Variants in LGSN observed in about 807,000 individuals in gnomAD.
LGSN encodes the protein lengsin.
A neutral mutation model predicts 19.5 loss-of-function variants in LGSN; 21 were observed. That is an observed-to-expected ratio of 1.07 (90% CI 0.76 to 1.55). The LOEUF (loss-of-function observed/expected upper bound fraction) is 1.55, where lower values mean the gene tolerates loss of function less well. Among genes scored for constraint, LGSN ranks in the 40% most tolerant of loss-of-function variants. The probability of loss-of-function intolerance (pLI) is 0.00; values close to 1 mark genes in which losing one functional copy is unlikely to be tolerated. For synonymous variants in LGSN, 257 were observed against 215.6 expected, an observed-to-expected ratio of 1.19 and a Z score of -1.68; for missense variants, 673 against 608.5, an observed-to-expected ratio of 1.11 and a Z score of -1.12.
At chr6:63,478,798 G>A in the LGSN span, among the ~76,000 whole-genome samples, 1 of 152,186 alleles carries the variant, frequency 6.6e-6, no homozygotes, top group Non-Finnish European at 1.5e-5. Context: ...AATTCAAAAG[G>A]TAGGGTGTGC....
the LGSN span, among the ~76,000 whole-genome samples, chr6:63,357,351 A>C: frequency 1.7e-4 from 26 of 152,300 alleles, no homozygotes; most frequent in African/African-American, 6.3e-4. Flanking sequence ...TATACCCAGT[A>C]ATGGGATGGC....
chr6:63,426,874 G>C, the LGSN span, among the ~76,000 whole-genome samples: 1 of 152,040 alleles, frequency 6.6e-6, no homozygotes, highest in African/African-American at 2.4e-5. Context: ...CTATTTTCTT[G>C]ACATTCTGAA....
the LGSN span, among the ~76,000 whole-genome samples, chr6:63,497,918 C>CTTTTTTTTTTTTTTTTTTTTTTTTTTT: frequency 2.5e-5 from 3 of 121,904 alleles, no homozygotes; most frequent in African/African-American, 6.9e-5. Context: ...TGTCATGTTT[C>CTTTTTTTTTTTTTTTTTTTTTTTTTTT]TTTTTTTTTT....
At chr6:63,508,776 G>C in the LGSN span, among the ~76,000 whole-genome samples, 1 of 151,578 alleles carries the variant, frequency 6.6e-6, no homozygotes, top group African/African-American at 2.4e-5. Context: ...AAAATTAGGC[G>C]GGCGTGGTGG....
At chr6:63,531,782 T>G in the LGSN span, among the ~76,000 whole-genome samples, 1 of 151,962 alleles carries the variant, frequency 6.6e-6, no homozygotes, top group Non-Finnish European at 1.5e-5. Context: ...TGAACCACCA[T>G]GTCCAGCCTC....
chr6:63,476,205 C>T, the LGSN span, among the ~76,000 whole-genome samples: 181 of 152,218 alleles, frequency 1.2e-3, no homozygotes, highest in Non-Finnish European at 2.4e-3. Context: ...GATAGTGCTA[C>T]CTCATAATTA....
the LGSN span, among the ~76,000 whole-genome samples, chr6:63,538,657 T>G: frequency 1.3e-5 from 2 of 152,152 alleles, no homozygotes; most frequent in Non-Finnish European, 2.9e-5. Context: ...TTTCTTATTT[T>G]TTAAGATAGC....
the LGSN span, among the ~76,000 whole-genome samples, chr6:63,523,990 T>TC: frequency 6.6e-6 from 1 of 151,636 alleles, no homozygotes; most frequent in South Asian, 2.1e-4. Flanking sequence ...TCAATAGGCT[T>TC]TTTTTTTTCT....
the LGSN span, among the ~76,000 whole-genome samples, chr6:63,494,194 C>T: frequency 6.6e-6 from 1 of 152,210 alleles, no homozygotes; most frequent in Admixed American, 6.5e-5. Context: ...AGGTGATCCG[C>T]CCGCCTCAGC....
At chr6:63,390,468 T>A in the LGSN span, among the ~76,000 whole-genome samples, 1 of 152,020 alleles carries the variant, frequency 6.6e-6, no homozygotes, top group African/African-American at 2.4e-5. Flanking sequence ...TTTCTTAGAA[T>A]GCATGACCTA....
chr6:63,371,572 C>T, the LGSN span, among the ~76,000 whole-genome samples: 3 of 152,182 alleles, frequency 2.0e-5, no homozygotes, highest in Admixed American at 6.5e-5. Context: ...TGGAGAACTC[C>T]TAAGAGCCAA....
chr6:63,445,462 A>C, the LGSN span, among the ~76,000 whole-genome samples: 3 of 151,592 alleles, frequency 2.0e-5, no homozygotes, highest in African/African-American at 4.8e-5. Flanking sequence ...TAATGAAAAT[A>C]CAAAAAAATA....
At chr6:63,336,559 GTGTATA>G in the LGSN span, among the ~76,000 whole-genome samples, 6 of 124,734 alleles carry the variant, frequency 4.8e-5, no homozygotes, top group African/African-American at 1.5e-4. Flanking sequence ...GTGTGTGTGT[GTGTATA>G]TATATATATA....
chr6:63,410,933 G>T, the LGSN span, among the ~76,000 whole-genome samples: 1 of 152,086 alleles, frequency 6.6e-6, no homozygotes, highest in South Asian at 2.1e-4. Flanking sequence ...CCTAAGCAAC[G>T]AGGTTTGGCA....
chr6:63,572,318 A>C, the LGSN span: 1 of 228,486 alleles, frequency 4.4e-6, no homozygotes, highest in Non-Finnish European at 8.5e-6. Flanking sequence ...GCCATTCATC[A>C]ACCGGTTCAC....
At chr6:63,300,179 G>T (rs1310443690) in intron 1 of LGSN, among the ~76,000 whole-genome samples, 1 of 152,140 alleles carries the variant, frequency 6.6e-6, no homozygotes, top group Non-Finnish European at 1.5e-5. Context: ...TGCTGAGAGG[G>T]GTTGGATCCT....
the LGSN span, among the ~76,000 whole-genome samples, chr6:63,376,357 C>G: frequency 6.6e-6 from 1 of 152,150 alleles, no homozygotes; most frequent in Non-Finnish European, 1.5e-5. Flanking sequence ...TATCTAAAAC[C>G]TAAGAAACAT....
At chr6:63,297,679 G>A (rs1011648237) in intron 1 of LGSN, among the ~76,000 whole-genome samples, 5 of 152,160 alleles carry the variant, frequency 3.3e-5, no homozygotes, top group Non-Finnish European at 7.4e-5. Context: ...TGAGGTTTGG[G>A]TTGTAATTCT....
the LGSN span, among the ~76,000 whole-genome samples, chr6:63,515,298 C>G: frequency 6.6e-6 from 1 of 152,268 alleles, no homozygotes; most frequent in African/African-American, 2.4e-5. Context: ...ATGGTGAGAT[C>G]TCAGCTCACT....
Sources: allele counts gnomAD v4.1 joint callset (sites outside exome capture counted in the v4.1 genomes callset), GRCh38; gene constraint gnomAD v4.1.1; transcripts MANE v1.5; gene names NCBI Gene and HGNC (gene_info 2026-07-23, HGNC 2026-07-21).